Variants in PLA2G2C observed in about 807,000 individuals in gnomAD.
PLA2G2C encodes the protein putative inactive group IIC secretory phospholipase A2.
PLA2G2C carries 15 observed loss-of-function variants against 14.3 expected under a neutral mutation model. The ratio of observed to expected loss-of-function variants is 1.05; its 90% CI spans 0.70 to 1.62. The LOEUF is 1.62. Ranked by LOEUF, PLA2G2C falls within the 40% of genes most tolerant of loss-of-function variation. The pLI is 0.00. For missense variants in PLA2G2C, 162 were observed against 173.2 expected, an observed-to-expected ratio of 0.94 and a Z score of 0.36; for synonymous variants, 79 against 67.7, an observed-to-expected ratio of 1.17 and a Z score of -0.82.
chr1:20,177,388 G>A lies in PLA2G2C; in HGVS notation c.-25C>T, dbSNP rs756993951. The A allele has an allele frequency of 2.9e-6, 2 of 685,966 alleles. No homozygotes were observed. The highest frequency in any genetic ancestry group is 1.5e-5 in the South Asian group (1 of 65,058). The allele number at this position is 685,966 out of a possible 1,614,324, so 42.5% of individuals were successfully genotyped here. On this transcript the variant is annotated 5_prime_UTR_variant, in exon 2 of 5. Coordinates refer to ENST00000679259, the MANE Select transcript of PLA2G2C (RefSeq NM_001367969.2). ...TTCCTGAGGAGACCAGGGGGTCTGA[G>A]GTTCTACAGCCACGCCTTCACCTGT...
chr1:20,172,695 A>G, intron 4 of PLA2G2C, 99 bp downstream of exon 4: 1 of 1,022,264 alleles, frequency 9.8e-7, no homozygotes, highest in Non-Finnish European at 1.4e-6. Context: ...AGCACTTGGA[A>G]GCATTTCATT....
intron 1 of PLA2G2C, among the ~76,000 whole-genome samples, chr1:20,183,677 T>C (rs973758507): frequency 2.6e-5 from 4 of 152,030 alleles, no homozygotes; most frequent in Admixed American, 2.0e-4. Flanking sequence ...GGAAAGGGCT[T>C]CACGGAAGAG....
intron 2 of PLA2G2C, among the ~76,000 whole-genome samples, chr1:20,177,021 C>T (rs1557788673): frequency 6.6e-6 from 1 of 152,170 alleles, no homozygotes; most frequent in East Asian, 1.9e-4. Flanking sequence ...AGGCTACTAG[C>T]ATCCAAAGGA....
chr1:20,174,618 G>A (rs780901914), intron 3 of PLA2G2C, among the ~76,000 whole-genome samples: 2 of 152,204 alleles, frequency 1.3e-5, no homozygotes, highest in Non-Finnish European at 2.9e-5. Flanking sequence ...CAGGACCAAC[G>A]GCATAATTGC....
At chr1:20,174,438 A>G (rs375539207) in intron 3 of PLA2G2C, among the ~76,000 whole-genome samples, 2 of 152,192 alleles carry the variant, frequency 1.3e-5, no homozygotes, top group East Asian at 3.9e-4. Context: ...GTGCCATGCA[A>G]CCTCACCCAG....
intron 4 of PLA2G2C, among the ~76,000 whole-genome samples, chr1:20,164,812 G>A (rs533671820): frequency 2.6e-5 from 4 of 152,202 alleles, no homozygotes; most frequent in Non-Finnish European, 4.4e-5. Flanking sequence ...TTTCATGTCC[G>A]GTCTGCCAGC....
At chr1:20,182,269 G>A (rs960827928) in intron 1 of PLA2G2C, among the ~76,000 whole-genome samples, 8 of 152,130 alleles carry the variant, frequency 5.3e-5, no homozygotes, top group Non-Finnish European at 8.8e-5. Context: ...AGGTAGCTGC[G>A]CTATATAGGC....
chr1:20,177,505 C>T (rs2018207993), intron 1 of PLA2G2C, 66 bp from the exon 2 acceptor site: 4 of 541,946 alleles, frequency 7.4e-6, no homozygotes, highest in Non-Finnish European at 1.3e-5. Context: ...AATTGTAGTG[C>T]CTTGGAAAGA....
intron 4 of PLA2G2C, 42 bp downstream of exon 4, chr1:20,172,752 G>T (rs2018108501): frequency 2.0e-6 from 3 of 1,519,896 alleles, no homozygotes; most frequent in African/African-American, 2.8e-5. Flanking sequence ...TTAAGGAAAG[G>T]CCCAGGTTAA....
At chr1:20,177,083 T>C (rs1459768992) in intron 2 of PLA2G2C, among the ~76,000 whole-genome samples, 1 of 152,204 alleles carries the variant, frequency 6.6e-6, no homozygotes, top group Non-Finnish European at 1.5e-5. Flanking sequence ...ACTCCCTTTC[T>C]AGCAAATGGT....
At position 20,176,921 on chromosome 1, in the gene PLA2G2C, A is replaced by T. The variant is rs909578738; in HGVS notation, c.40+403T>A. Among the ~76,000 whole-genome samples, 6 of 152,366 alleles carry T rather than the reference A, an allele frequency of 3.9e-5. No homozygotes were observed. The East Asian group carries it at 9.6e-4, about 24-fold the overall frequency. On this transcript the variant is annotated intron_variant, in intron 2 of 4. Coordinates refer to ENST00000679259, the MANE Select transcript of PLA2G2C (RefSeq NM_001367969.2). The stretch of plus-strand genomic sequence containing the variant: ...TACCAATTATCCCATAAGTCACCAT[A>T]AAAATGTCTTTCTGATAAGCATTAA...
At chr1:20,172,453 C>G (rs568829585) in intron 4 of PLA2G2C, among the ~76,000 whole-genome samples, 1 of 152,264 alleles carries the variant, frequency 6.6e-6, no homozygotes, top group South Asian at 2.1e-4. Flanking sequence ...GTTTTGTTAA[C>G]AAAATCACAG....
Position 20,177,312 on chromosome 1 carries a change from C to T in PLA2G2C, c.40+12G>A, listed in dbSNP as rs546576260. ...AGAAGCTTGGTGCTGACCCACCAAG[C>T]TCTCTACTTACAGCAGAAGAGGAGG... On this transcript the variant is annotated intron_variant, in intron 2 of 4. Coordinates refer to ENST00000679259, the MANE Select transcript of PLA2G2C (RefSeq NM_001367969.2). The T allele has an allele frequency of 3.1e-5, 22 of 700,742 alleles. No homozygotes were observed. Among genetic ancestry groups the T allele is most frequent in the Admixed American group, 3.0e-4 (15 of 50,000 alleles). 43.4% of individuals were successfully genotyped at this position (700,742 alleles called of 1,614,324 possible). A position where few individuals can be genotyped will look rare whatever the true frequency, so the allele number is the denominator to read the frequency against.
At chr1:20,183,569 C>T (rs1400710975) in intron 1 of PLA2G2C, among the ~76,000 whole-genome samples, 1 of 152,198 alleles carries the variant, frequency 6.6e-6, no homozygotes, top group Admixed American at 6.5e-5. Context: ...TGAAGGGAGC[C>T]GACCTAGGGA....
chr1:20,183,528 A>G (rs539644523), intron 1 of PLA2G2C, among the ~76,000 whole-genome samples: 5 of 152,334 alleles, frequency 3.3e-5, no homozygotes, highest in African/African-American at 1.2e-4. Flanking sequence ...AAGGAGGGCT[A>G]TGATGCCTCC....
chr1:20,166,797 G>A (rs1158462945), intron 4 of PLA2G2C, among the ~76,000 whole-genome samples: 2 of 152,056 alleles, frequency 1.3e-5, no homozygotes, highest in African/African-American at 4.8e-5. Flanking sequence ...CTACTTCAGT[G>A]GCCTGCCCCA....
At chr1:20,169,047 T>C (rs2018025607) in intron 4 of PLA2G2C, among the ~76,000 whole-genome samples, 1 of 152,150 alleles carries the variant, frequency 6.6e-6, no homozygotes, top group Admixed American at 6.5e-5. Context: ...CAGCCCCCGG[T>C]TGCTAGGCAA....
chr1:20,184,197 G>A (rs199716672), intron 1 of PLA2G2C: 131 of 149,718 alleles, frequency 8.7e-4, no homozygotes, highest in African/African-American at 2.6e-3. Flanking sequence ...GTGCGCACAC[G>A]CACACACACA....
chr1:20,163,936 T>C lies in PLA2G2C; in HGVS notation c.*55A>G, dbSNP rs965088729. ...TTGGGGATGATCTGAGAAGGCTTCC[T>C]GGAAGAGCAACACTAGAGCGGATGC... On this transcript the variant is annotated 3_prime_UTR_variant, in exon 5 of 5. Transcript: ENST00000679259. 12 of 1,543,352 alleles carry C rather than the reference T, an allele frequency of 7.8e-6. No homozygotes were observed. The highest frequency in any genetic ancestry group is 1.1e-5 in the Non-Finnish European group (12 of 1,141,786).
Sources: gnomAD v4.1 joint callset for allele counts (sites outside exome capture counted in the v4.1 genomes callset) on GRCh38, gnomAD v4.1.1 for gene constraint, MANE v1.5 for transcripts, NCBI Gene and HGNC (gene_info 2026-07-23, HGNC 2026-07-21) for gene names.